The following SPAG9 variants were observed in gnomAD, a reference collection of about 807,000 sequenced individuals.
The protein encoded by SPAG9 is C-Jun-amino-terminal kinase-interacting protein 4.
A neutral mutation model predicts 166.5 loss-of-function variants in SPAG9; 35 were observed. That is an observed-to-expected ratio of 0.21 (90% CI 0.16 to 0.28). The LOEUF is 0.28. Ranked by LOEUF, SPAG9 falls within the 10% of genes least tolerant of loss-of-function variation. The probability of loss-of-function intolerance (pLI) is 1.00; values close to 1 mark genes in which losing one functional copy is unlikely to be tolerated. For synonymous variants in SPAG9, 534 were observed against 565.5 expected, an observed-to-expected ratio of 0.94 and a Z score of 0.79; for missense variants, 1,235 against 1,603.3, an observed-to-expected ratio of 0.77 and a Z score of 3.92.
chr17:51,041,744 T>A, intron 4 of SPAG9, 93 bp from the exon 5 acceptor site: 1 of 1,158,516 alleles, frequency 8.6e-7, no homozygotes, highest in Non-Finnish European at 1.2e-6. Flanking sequence ...TGCCACTGTT[T>A]TACAACCATC....
chr17:51,004,912 G>A (rs1466935523), intron 12 of SPAG9, among the ~76,000 whole-genome samples: 1 of 151,762 alleles, frequency 6.6e-6, no homozygotes, highest in East Asian at 1.9e-4. Context: ...AATTTGAAAC[G>A]AAACAACAAT....
chr17:51,005,039 C>T (rs2144004340), intron 12 of SPAG9, among the ~76,000 whole-genome samples, 173 bp downstream of exon 12: 1 of 152,280 alleles, frequency 6.6e-6, no homozygotes, highest in Non-Finnish European at 1.5e-5. Context: ...AGCTAGAAAG[C>T]TCAGCATCTG....
At chr17:51,026,679 T>C (rs546338499) in intron 6 of SPAG9, among the ~76,000 whole-genome samples, 30 of 146,702 alleles carry the variant, frequency 2.0e-4, no homozygotes, top group East Asian at 1.2e-3. Flanking sequence ...CTTTTCTTTT[T>C]TTTTTTTTTT....
intron 1 of SPAG9, among the ~76,000 whole-genome samples, chr17:51,104,363 G>A (rs569756692): frequency 4.6e-5 from 7 of 152,304 alleles, no homozygotes; most frequent in South Asian, 4.1e-4. Context: ...AAGGCCAGGC[G>A]TGGTGGCTTA....
intron 13 of SPAG9, 67 bp from the exon 14 acceptor site, chr17:50,999,784 C>T (rs748311654): frequency 5.9e-6 from 8 of 1,345,166 alleles, no homozygotes; most frequent in South Asian, 3.6e-5. Flanking sequence ...TTCTGAAGAA[C>T]AAGAGACCCA....
chr17:51,109,457 G>A (rs1405763527), intron 1 of SPAG9, among the ~76,000 whole-genome samples: 1 of 151,942 alleles, frequency 6.6e-6, no homozygotes, highest in Non-Finnish European at 1.5e-5. Context: ...GGCTGGTCTC[G>A]AACTCTTGAC....
At chr17:51,011,383 G>T (rs1410272101) in intron 9 of SPAG9, among the ~76,000 whole-genome samples, 1 of 149,742 alleles carries the variant, frequency 6.7e-6, no homozygotes, top group Non-Finnish European at 1.5e-5. Context: ...AGAAGCCAAG[G>T]ACTTTTTTTT....
intron 19 of SPAG9, among the ~76,000 whole-genome samples, chr17:50,990,915 T>G (rs550960108): frequency 6.6e-6 from 1 of 151,510 alleles, no homozygotes; most frequent in East Asian, 1.9e-4. Context: ...AACTTTTTTT[T>G]TTTTTTTTTT....
chr17:51,089,416 C>T (rs1198108998), intron 1 of SPAG9, among the ~76,000 whole-genome samples: 1 of 151,170 alleles, frequency 6.6e-6, no homozygotes, highest in Non-Finnish European at 1.5e-5. Context: ...AAGAGTGAAA[C>T]TCTGTCTCAA....
intron 9 of SPAG9, 116 bp from the exon 10 acceptor site, chr17:51,007,442 A>C: frequency 2.1e-6 from 1 of 466,992 alleles, no homozygotes; most frequent in Non-Finnish European, 3.7e-6. Context: ...GTCCTTTATT[A>C]ATTTTATTTT....
intron 29 of SPAG9, among the ~76,000 whole-genome samples, chr17:50,969,750 G>T (rs1007405904): frequency 1.3e-5 from 2 of 151,884 alleles, no homozygotes; most frequent in African/African-American, 4.8e-5. Flanking sequence ...CCAACCCCTG[G>T]TCCTCCCCAC....
intron 1 of SPAG9, among the ~76,000 whole-genome samples, chr17:51,109,006 A>G (rs1389626376): frequency 6.7e-6 from 1 of 150,344 alleles, no homozygotes; most frequent in African/African-American, 2.4e-5. Flanking sequence ...GGGATTACAG[A>G]CGTGCACCAC....
At position 51,022,654 on chromosome 17, in the gene SPAG9, A is replaced by AATAATT. The variant is rs2045985669; in HGVS notation, c.784-1290_784-1289insAATTAT. ...CACTAATAATAATAATAATAATAAT[A>AATAATT]ATAATAACAATAGGCCGGGTGCAGT... On this transcript the variant is annotated intron_variant, in intron 6 of 29. Coordinates refer to ENST00000262013, the MANE Select transcript of SPAG9 (RefSeq NM_001130528.3). Among the ~76,000 whole-genome samples the AATAATT allele has an allele frequency of 6.6e-5, 10 of 151,330 alleles. No homozygotes were observed. The South Asian group carries it at 2.1e-3, about 32-fold the overall frequency.
intron 1 of SPAG9, among the ~76,000 whole-genome samples, chr17:51,096,400 G>A (rs140827100): frequency 4.4e-4 from 67 of 152,074 alleles, no homozygotes; most frequent in Non-Finnish European, 6.3e-4. Flanking sequence ...AACCACATCA[G>A]ACAGGCAACA....
chr17:50,971,550 C>T (rs991405617), intron 28 of SPAG9, among the ~76,000 whole-genome samples: 3 of 146,572 alleles, frequency 2.0e-5, no homozygotes, highest in Non-Finnish European at 4.5e-5. Context: ...TCACTGCAAC[C>T]TCCGCCTCCC....
chr17:51,093,517 A>G (rs1159349139), intron 1 of SPAG9, among the ~76,000 whole-genome samples: 5 of 151,892 alleles, frequency 3.3e-5, no homozygotes, highest in Non-Finnish European at 5.9e-5. Flanking sequence ...CCTGGCTAAC[A>G]TGGTGAAACC....
chr17:51,079,563 G>T, intron 2 of SPAG9, 21 bp downstream of exon 2: 1 of 1,610,380 alleles, frequency 6.2e-7, no homozygotes, highest in South Asian at 1.1e-5. Flanking sequence ...GTGTACTTAT[G>T]AGAAGAAATG....
At chr17:51,047,524 A>G in intron 3 of SPAG9, 55 bp from the exon 4 acceptor site, 1 of 810,330 alleles carries the variant, frequency 1.2e-6, no homozygotes. Context: ...CTGGAATAAA[A>G]TCATAGTGTT....
At chr17:51,009,470 G>A (rs754944825) in intron 9 of SPAG9, among the ~76,000 whole-genome samples, 6 of 152,164 alleles carry the variant, frequency 3.9e-5, no homozygotes, top group Non-Finnish European at 7.4e-5. Flanking sequence ...AGTGGGCTTA[G>A]AAAATTCACC....
Sources: allele counts gnomAD v4.1 joint callset (sites outside exome capture counted in the v4.1 genomes callset), GRCh38; gene constraint gnomAD v4.1.1; transcripts MANE v1.5; gene names NCBI Gene and HGNC (gene_info 2026-07-23, HGNC 2026-07-21).